The following GPHN variants were observed in gnomAD, a reference collection of about 807,000 sequenced individuals.
The protein encoded by GPHN is gephyrin.
Under a neutral mutation model 95.5 loss-of-function variants are expected in GPHN, and 17 were observed. The ratio of observed to expected loss-of-function variants is 0.18; its 90% CI spans 0.12 to 0.27. GPHN has a LOEUF of 0.27. Among genes scored for constraint, GPHN ranks in the 10% least tolerant of loss-of-function variants. The probability of loss-of-function intolerance (pLI) is 1.00; values close to 1 mark genes in which losing one functional copy is unlikely to be tolerated. For missense variants in GPHN, 660 were observed against 978.1 expected (o/e 0.67, Z 4.34); for synonymous variants, 320 against 322.5 (o/e 0.99, Z 0.08).
intron 2 of GPHN, among the ~76,000 whole-genome samples, chr14:66,693,626 C>A (rs926343267): frequency 1.3e-5 from 2 of 152,154 alleles, no homozygotes; most frequent in Non-Finnish European, 2.9e-5. Context: ...TTTCGGTCCC[C>A]TCTAATTGGG....
At chr14:66,716,724 A>G (rs998738828) in intron 2 of GPHN, among the ~76,000 whole-genome samples, 1 of 152,092 alleles carries the variant, frequency 6.6e-6, no homozygotes, top group African/African-American at 2.4e-5. Flanking sequence ...GTAGTGACGA[A>G]TTTTCTCGGC....
intron 4 of GPHN, among the ~76,000 whole-genome samples, chr14:66,879,174 A>G (rs2063811083): frequency 6.6e-6 from 1 of 152,088 alleles, no homozygotes; most frequent in Non-Finnish European, 1.5e-5. Context: ...ACATGGACAC[A>G]CAGAGGGAAA....
At chr14:67,117,235 A>G (rs1318605352) in intron 16 of GPHN, among the ~76,000 whole-genome samples, 1 of 152,232 alleles carries the variant, frequency 6.6e-6, no homozygotes, top group Non-Finnish European at 1.5e-5. Flanking sequence ...TTCAAATAGT[A>G]TCTTGGGCAC....
the GPHN span, among the ~76,000 whole-genome samples, chr14:67,363,347 C>T: frequency 1.3e-5 from 2 of 152,018 alleles, no homozygotes; most frequent in African/African-American, 4.8e-5. Flanking sequence ...CAAAGAAATA[C>T]ATCTCTGCTA....
At chr14:67,520,184 T>C in the GPHN span, among the ~76,000 whole-genome samples, 2 of 152,332 alleles carry the variant, frequency 1.3e-5, no homozygotes, top group South Asian at 4.1e-4. Flanking sequence ...TGCTTTGACA[T>C]ATCATTATCA....
intron 8 of GPHN, among the ~76,000 whole-genome samples, chr14:66,962,705 T>A (rs2069035490): frequency 6.6e-6 from 1 of 151,946 alleles, no homozygotes; most frequent in Admixed American, 6.6e-5. Flanking sequence ...TGTAATGGCT[T>A]CTTTTCAGCT....
At chr14:67,714,884 A>C in the GPHN span, 1 of 152,220 alleles carries the variant, frequency 6.6e-6, no homozygotes, top group Non-Finnish European at 1.5e-5. Context: ...AGCTTCTGCC[A>C]ACTCAAGGCA....
At chr14:66,557,282 T>TAGATAGAAAGAA (rs1555342980) in intron 1 of GPHN, among the ~76,000 whole-genome samples, 1 of 147,122 alleles carries the variant, frequency 6.8e-6, no homozygotes, top group African/African-American at 2.5e-5. Flanking sequence ...GATAGATAGA[T>TAGATAGAAAGAA]AGAATGAATT....
At chr14:67,346,867 T>C in the GPHN span, among the ~76,000 whole-genome samples, 4 of 152,184 alleles carry the variant, frequency 2.6e-5, no homozygotes, top group South Asian at 8.3e-4. Flanking sequence ...GTCTAATCAG[T>C]GAATTCATAT....
At chr14:66,853,760 A>C (rs2062691157) in intron 4 of GPHN, among the ~76,000 whole-genome samples, 1 of 152,228 alleles carries the variant, frequency 6.6e-6, no homozygotes, top group Non-Finnish European at 1.5e-5. Context: ...AAAAATTTAA[A>C]GAATCAAGGA....
At chr14:66,527,739 A>G (rs1336786300) in intron 1 of GPHN, among the ~76,000 whole-genome samples, 1 of 152,150 alleles carries the variant, frequency 6.6e-6, no homozygotes, top group East Asian at 1.9e-4. Flanking sequence ...GTAGTCATTC[A>G]GGGGCAGGTT....
At chr14:67,239,003 G>T in the GPHN span, among the ~76,000 whole-genome samples, 163 of 152,214 alleles carry the variant, frequency 1.1e-3, no homozygotes, top group African/African-American at 3.7e-3. Context: ...AATTGTTATA[G>T]CACTTTAAAA....
At chr14:67,562,328 G>A in the GPHN span, 1 of 1,613,988 alleles carries the variant, frequency 6.2e-7, no homozygotes, top group African/African-American at 1.3e-5. Flanking sequence ...TTCTGAAGCA[G>A]CAAGCCCCTT....
At chr14:67,545,095 T>G in the GPHN span, among the ~76,000 whole-genome samples, 2 of 152,356 alleles carry the variant, frequency 1.3e-5, no homozygotes, top group African/African-American at 4.8e-5. Flanking sequence ...TTCTTTCTCA[T>G]GTAACCTTCC....
chr14:67,184,542 G>A (rs890422110), downstream of GPHN, among the ~76,000 whole-genome samples: 1 of 152,172 alleles, frequency 6.6e-6, no homozygotes, highest in African/African-American at 2.4e-5. Context: ...TCAAGTTTTG[G>A]AAAGAAAGTT....
At chr14:67,726,075 T>C in the GPHN span, 2 of 1,613,986 alleles carry the variant, frequency 1.2e-6, no homozygotes, top group Non-Finnish European at 1.7e-6. Context: ...CATATTCTGA[T>C]CAACAATGCG....
intron 2 of GPHN, among the ~76,000 whole-genome samples, chr14:66,760,310 T>G (rs1476553068): frequency 2.0e-5 from 3 of 152,138 alleles, no homozygotes; most frequent in Non-Finnish European, 2.9e-5. Flanking sequence ...GTATCAAGAG[T>G]CTTTATAATC....
chr14:67,341,636 G>A, the GPHN span, among the ~76,000 whole-genome samples: 2 of 151,926 alleles, frequency 1.3e-5, no homozygotes, highest in Non-Finnish European at 2.9e-5. Flanking sequence ...CACCCCTACT[G>A]GGAAGTGAGG....
chr14:67,595,127 A>G, the GPHN span, among the ~76,000 whole-genome samples: 8 of 133,478 alleles, frequency 6.0e-5, no homozygotes, highest in African/African-American at 2.1e-4. Flanking sequence ...ACAGAGCGAG[A>G]CTCCGTCTAA....
Sources: gnomAD v4.1 joint callset for allele counts (sites outside exome capture counted in the v4.1 genomes callset) on GRCh38, gnomAD v4.1.1 for gene constraint, MANE v1.5 for transcripts, NCBI Gene and HGNC (gene_info 2026-07-23, HGNC 2026-07-21) for gene names.